Variants in GAK observed in about 807,000 individuals in gnomAD.
GAK encodes cyclin G associated kinase.
A neutral mutation model predicts 143.9 loss-of-function variants in GAK; 79 were observed. The ratio of observed to expected loss-of-function variants is 0.55; its 90% CI spans 0.46 to 0.66. The LOEUF is 0.66. GAK is among the 30% of genes least tolerant of loss of function. The pLI is 0.00. For synonymous variants in GAK, 881 were observed against 765.5 expected, an observed-to-expected ratio of 1.15 and a Z score of -2.49; for missense variants, 1,693 against 1,779.7, an observed-to-expected ratio of 0.95 and a Z score of 0.88.
At chr4:930,164 CA>C (rs1405857822) in intron 1 of GAK, among the ~76,000 whole-genome samples, 2 of 152,140 alleles carry the variant, frequency 1.3e-5, no homozygotes, top group Non-Finnish European at 2.9e-5. Context: ...GCTGTTCAGA[CA>C]AAACTTAATT....
chr4:850,520 G>A, intron 26 of GAK: 1 of 192,326 alleles, frequency 5.2e-6, no homozygotes, highest in Non-Finnish European at 1.1e-5. Flanking sequence ...CCTGACCGCT[G>A]CATCCTCACC....
At chr4:928,082 G>A (rs569522799) in intron 1 of GAK, among the ~76,000 whole-genome samples, 1 of 152,152 alleles carries the variant, frequency 6.6e-6, no homozygotes, top group East Asian at 1.9e-4. Context: ...TTTTGAGATA[G>A]AGTCTCGCTC....
chr4:907,363 CA>C (rs1027903997), intron 4 of GAK, among the ~76,000 whole-genome samples: 1 of 152,180 alleles, frequency 6.6e-6, no homozygotes, highest in African/African-American at 2.4e-5. Context: ...CTCTGAGAAA[CA>C]GGGGGGCTCT....
chr4:860,796 C>T (rs1010384708), intron 23 of GAK, among the ~76,000 whole-genome samples: 4 of 151,912 alleles, frequency 2.6e-5, no homozygotes, highest in African/African-American at 9.7e-5. Flanking sequence ...GCACTGTGCA[C>T]TCGAGGGGAC....
Position 849,829 on chromosome 4 carries a change from G to T in GAK, c.3835-55C>A, listed in dbSNP as rs959287132. ...TTATAAGCATGCGGGGGCGGGCGGG[G>T]CAGGACCCCCCCCCCGCCCCGCCCC... On this transcript the variant is annotated intron_variant, in intron 27 of 27. Transcript: ENST00000314167. 3.6e-6 allele frequency: 5 copies of T among 1,377,964 alleles called. No homozygotes were observed. The African/African-American group carries it at 8.0e-5, about 22-fold the overall frequency. The allele number at this position is 1,377,964 out of a possible 1,614,324, so 85.4% of individuals were successfully genotyped here.
At chr4:897,081 G>C (rs1718947110) in intron 6 of GAK, among the ~76,000 whole-genome samples, 1 of 152,224 alleles carries the variant, frequency 6.6e-6, no homozygotes. Flanking sequence ...GCTGTGAGGA[G>C]AGAGTGAATC....
intron 4 of GAK, among the ~76,000 whole-genome samples, chr4:905,821 C>A (rs1319057739): frequency 6.6e-6 from 1 of 152,274 alleles, no homozygotes; most frequent in African/African-American, 2.4e-5. Context: ...TAAGCCCACC[C>A]TGAGTGCCGC....
chr4:873,343 T>C lies in GAK; in HGVS notation c.2055-2439A>G, dbSNP rs116412863. ...CGGTCTCTGGGTGTTTTCCTGTCACTGATTCCCACTTTAATCCACTGTTGA... is the reference window on the plus strand; with the variant it reads ...CGGTCTCTGGGTGTTTTCCTGTCACCGATTCCCACTTTAATCCACTGTTGA... On this transcript the variant is annotated intron_variant, in intron 18 of 27. Coordinates refer to ENST00000314167, the MANE Select transcript of GAK (RefSeq NM_005255.4). Among the ~76,000 whole-genome samples, 1,388 of 152,308 alleles carry C rather than the reference T, an allele frequency of 9.1e-3. 15 individuals are homozygous for C. The highest frequency in any genetic ancestry group is 0.032 in the African/African-American group (1,319 of 41,560).
rs752459738 is a variant in GAK, at chr4:877,226, G to C, written c.1857-19C>G. 3.2e-6 allele frequency: 5 copies of C among 1,573,330 alleles called. No individual in the cohort carries two copies. The highest frequency in any genetic ancestry group is 1.7e-5 in the Admixed American group (1 of 58,894). ...AAAGTCCCTAAGGACAGAATGACAA[G>C]AGAAAAATTTTAAAAACCCCCAAAA... On this transcript the variant is annotated intron_variant, in intron 16 of 27. Coordinates refer to ENST00000314167, the MANE Select transcript of GAK (RefSeq NM_005255.4).
intron 11 of GAK, among the ~76,000 whole-genome samples, chr4:885,059 C>A (rs564368653): frequency 8.8e-4 from 121 of 138,152 alleles, no homozygotes; most frequent in East Asian, 4.0e-3. Flanking sequence ...CTAAACCCAC[C>A]GAGCAGGTGC....
intron 24 of GAK, among the ~76,000 whole-genome samples, chr4:856,438 C>T (rs1416654430): frequency 1.3e-4 from 19 of 142,006 alleles, no homozygotes; most frequent in Admixed American, 9.2e-4. Flanking sequence ...ACCTGCTCAC[C>T]ACAGCTGCTC....
chr4:871,207 C>T (rs1206793045), intron 18 of GAK, among the ~76,000 whole-genome samples: 3 of 152,212 alleles, frequency 2.0e-5, no homozygotes, highest in African/African-American at 4.8e-5. Context: ...AGAGGGGCAC[C>T]GGGCGGGGCC....
intron 6 of GAK, 102 bp from the exon 7 acceptor site, chr4:896,651 A>C (rs1194141018): frequency 1.1e-6 from 1 of 882,144 alleles, no homozygotes; most frequent in Non-Finnish European, 1.8e-6. Context: ...CAGCAGACTG[A>C]GGGGCAGCCT....
chr4:883,582 G>A (rs1715620310), intron 12 of GAK, 119 bp from the exon 13 acceptor site: 3 of 1,158,690 alleles, frequency 2.6e-6, no homozygotes, highest in South Asian at 1.4e-5. Flanking sequence ...AGCTCCACCA[G>A]CCACTGCCCA....
chr4:851,767 A>AC lies in GAK; in HGVS notation c.3490dup (p.Val1164GlyfsTer14), dbSNP rs774213026. On this transcript the variant is annotated frameshift_variant, in exon 25 of 28. Coordinates refer to ENST00000314167, the MANE Select transcript of GAK (RefSeq NM_005255.4). LOFTEE classifies it high-confidence loss of function. ...GGACTCACCAAAGCTGGGTGCGCGG[A>AC]CCCCCCGCTCCTCCCGCGCCCCGAT... is the stretch of plus-strand genomic sequence containing the variant. The AC allele has an allele frequency of 6.2e-7, 1 of 1,612,470 alleles. No homozygotes were observed. The highest frequency in any genetic ancestry group is 8.5e-7 in the Non-Finnish European group (1 of 1,179,648).
At chr4:926,921 T>C (rs1284775444) in intron 1 of GAK, among the ~76,000 whole-genome samples, 10 of 12,808 alleles carry the variant, frequency 7.8e-4, no homozygotes, top group Non-Finnish European at 1.3e-3. Context: ...CCCGCACCCC[T>C]CCCGGCTCAC....
intron 1 of GAK, among the ~76,000 whole-genome samples, chr4:915,028 CACACACAGCCCCAGCGCACACGGCCA>C (rs748868649): frequency 0.01 from 1,376 of 133,430 alleles, 47 homozygotes; most frequent in South Asian, 0.029. Context: ...CGGCCCCCAA[CACACACAGCCCCAGCGCACACGGCCA>C]ACACACACAG....
chr4:913,584 G>A lies in GAK; in HGVS notation c.207+23C>T, dbSNP rs752122487. 6 of 1,589,206 alleles carry A rather than the reference G, an allele frequency of 3.8e-6. No individual in the cohort carries two copies. In the African/African-American group the frequency reaches 4.0e-5, roughly 11 times the overall value. Reference sequence around the variant, plus strand: ...CCTTTACATACGTCAGAAATCCAGAGAAGGCGTTAAATGGTTCATTACCTT... The same window carrying A: ...CCTTTACATACGTCAGAAATCCAGAAAAGGCGTTAAATGGTTCATTACCTT... On this transcript the variant is annotated intron_variant, in intron 2 of 27. Coordinates refer to ENST00000314167, the MANE Select transcript of GAK (RefSeq NM_005255.4).
chr4:889,734 G>A (rs559041185), intron 10 of GAK, among the ~76,000 whole-genome samples: 3 of 152,326 alleles, frequency 2.0e-5, no homozygotes, highest in Admixed American at 6.5e-5. Flanking sequence ...AGGGGTCAGC[G>A]CCATGCAGAG....
Sources: gnomAD v4.1 joint callset for allele counts (sites outside exome capture counted in the v4.1 genomes callset) on GRCh38, gnomAD v4.1.1 for gene constraint, MANE v1.5 for transcripts, NCBI Gene and HGNC (gene_info 2026-07-23, HGNC 2026-07-21) for gene names.